The following FBXW10B variants were observed in gnomAD, a reference collection of about 807,000 sequenced individuals.
FBXW10B encodes the protein F-box and WD repeat domain containing protein 10B.
the FBXW10B span, among the ~76,000 whole-genome samples, chr17:15,612,369 C>T: frequency 1.3e-5 from 2 of 152,132 alleles, no homozygotes; most frequent in African/African-American, 4.8e-5. Flanking sequence ...AAAAAATTAG[C>T]CGGGCTTGGT....
chr17:15,596,957 C>A, the FBXW10B span, among the ~76,000 whole-genome samples: 1 of 151,872 alleles, frequency 6.6e-6, no homozygotes, highest in African/African-American at 2.4e-5. Context: ...GACAGCTCAT[C>A]TCTAATCAGC....
chr17:15,612,647 G>T, the FBXW10B span: 16 of 1,612,062 alleles, frequency 9.9e-6, no homozygotes, highest in Non-Finnish European at 1.3e-5. Flanking sequence ...GCCTTCAATG[G>T]CAATTAGAAT....
At chr17:15,590,439 T>A in the FBXW10B span, among the ~76,000 whole-genome samples, 1 of 147,438 alleles carries the variant, frequency 6.8e-6, no homozygotes, top group Admixed American at 6.8e-5. Context: ...GAAAGAGTGC[T>A]GGGGTCCTTT....
the FBXW10B span, among the ~76,000 whole-genome samples, chr17:15,589,607 CA>C: frequency 1.3e-5 from 2 of 150,498 alleles, no homozygotes; most frequent in African/African-American, 2.5e-5. Flanking sequence ...AAGATTCCTA[CA>C]TTTTTTTGGT....
the FBXW10B span, among the ~76,000 whole-genome samples, chr17:15,600,710 A>G: frequency 6.6e-6 from 1 of 152,168 alleles, no homozygotes; most frequent in Non-Finnish European, 1.5e-5. Context: ...AGGCAAAGTT[A>G]GAAGAAAAGA....
At chr17:15,591,315 C>T in the FBXW10B span, among the ~76,000 whole-genome samples, 4 of 152,074 alleles carry the variant, frequency 2.6e-5, no homozygotes, top group Admixed American at 6.5e-5. Context: ...TTTGAGATGG[C>T]GTCTCGCTCT....
the FBXW10B span, among the ~76,000 whole-genome samples, chr17:15,602,706 A>G: frequency 1.9e-5 from 2 of 103,414 alleles, no homozygotes; most frequent in Non-Finnish European, 3.5e-5. Flanking sequence ...GGCTCACTGC[A>G]GCCTCCGCCC....
the FBXW10B span, among the ~76,000 whole-genome samples, chr17:15,603,527 T>C: frequency 3.3e-5 from 5 of 152,158 alleles, no homozygotes; most frequent in African/African-American, 4.8e-5. Flanking sequence ...CAGTGGGTTT[T>C]ATTTAATACC....
chr17:15,595,007 C>T, the FBXW10B span: 1 of 1,451,872 alleles, frequency 6.9e-7, no homozygotes, highest in East Asian at 2.3e-5. Flanking sequence ...GACTGCCATT[C>T]ACTCGGTAGG....
At chr17:15,613,616 T>C in the FBXW10B span, 3 of 1,560,120 alleles carry the variant, frequency 1.9e-6, no homozygotes, top group African/African-American at 1.6e-5. Context: ...AGGAAGTACC[T>C]GCAAGAAGGT....
the FBXW10B span, among the ~76,000 whole-genome samples, chr17:15,601,274 T>G: frequency 6.8e-6 from 1 of 147,532 alleles, no homozygotes; most frequent in Non-Finnish European, 1.5e-5. Flanking sequence ...CCAGGCGTGG[T>G]GGTGGGCGCC....
chr17:15,612,155 T>C, the FBXW10B span, among the ~76,000 whole-genome samples: 2 of 152,148 alleles, frequency 1.3e-5, no homozygotes, highest in Non-Finnish European at 2.9e-5. Flanking sequence ...GGAAGAACCC[T>C]GAGAAGACAA....
the FBXW10B span, among the ~76,000 whole-genome samples, chr17:15,610,640 A>G: frequency 1.8e-4 from 27 of 152,214 alleles, no homozygotes; most frequent in African/African-American, 6.3e-4. Flanking sequence ...TAGTTAGAAG[A>G]GATTTCCTTG....
chr17:15,597,660 T>A, the FBXW10B span, among the ~76,000 whole-genome samples: 2 of 151,948 alleles, frequency 1.3e-5, no homozygotes, highest in Admixed American at 6.6e-5. Context: ...AAAAGGAAGA[T>A]GTTGAAAGTG....
At chr17:15,614,991 T>A in the FBXW10B span, among the ~76,000 whole-genome samples, 1 of 152,130 alleles carries the variant, frequency 6.6e-6, no homozygotes, top group Non-Finnish European at 1.5e-5. Context: ...AGGGACTAGA[T>A]GATGGATTGT....
chr17:15,600,103 C>G, the FBXW10B span, among the ~76,000 whole-genome samples: 1 of 151,542 alleles, frequency 6.6e-6, no homozygotes, highest in Non-Finnish European at 1.5e-5. Context: ...GTAGTCCCAG[C>G]TACTCGGGAG....
At chr17:15,589,163 G>T in the FBXW10B span, 1 of 1,612,892 alleles carries the variant, frequency 6.2e-7, no homozygotes, top group Non-Finnish European at 8.5e-7. Flanking sequence ...GTAGCACTTG[G>T]TTCGATTCCA....
chr17:15,603,400 T>C, the FBXW10B span, among the ~76,000 whole-genome samples: 5 of 152,100 alleles, frequency 3.3e-5, no homozygotes, highest in African/African-American at 4.8e-5. Flanking sequence ...AAATCTCCTA[T>C]GTATATACAC....
chr17:15,569,990 T>C, the FBXW10B span, among the ~76,000 whole-genome samples: 2 of 152,360 alleles, frequency 1.3e-5, no homozygotes, highest in Non-Finnish European at 2.9e-5. Context: ...TTAATGCTCT[T>C]GTCACACGAA....
Sources: gnomAD v4.1 joint callset for allele counts (sites outside exome capture counted in the v4.1 genomes callset) on GRCh38, gnomAD v4.1.1 for gene constraint, MANE v1.5 for transcripts, NCBI Gene and HGNC (gene_info 2026-07-23, HGNC 2026-07-21) for gene names.